The following FGF13 variants were observed in gnomAD, a reference collection of about 807,000 sequenced individuals.
FGF13 encodes fibroblast growth factor homologous factor 2.
FGF13 carries 2 observed loss-of-function variants against 19.5 expected under a neutral mutation model. That is an observed-to-expected ratio of 0.10 (90% CI 0.04 to 0.32). The LOEUF is 0.32. FGF13 is among the 10% of genes least tolerant of loss of function. The pLI, the probability that FGF13 is intolerant of heterozygous loss-of-function variation, is 1.00. For missense variants in FGF13, 113 were observed against 192.7 expected (o/e 0.59, Z 2.45); for synonymous variants, 72 against 76.9 (o/e 0.94, Z 0.33).
intron 1 of FGF13, among the ~76,000 whole-genome samples, chrX:139,158,647 T>C (rs749287364): frequency 9.1e-6 from 1 of 110,146 alleles, no homozygotes; most frequent in East Asian, 2.9e-4. Flanking sequence ...CTGATGGAGG[T>C]GAAAAACACA....
chrX:138,747,034 C>A (rs749086565), intron 3 of FGF13, among the ~76,000 whole-genome samples: 1 of 111,817 alleles, frequency 8.9e-6, no homozygotes, highest in East Asian at 2.8e-4. Flanking sequence ...GAGTTAGGAA[C>A]AAACCAGGTT....
chrX:138,728,760 G>A (rs912509282), intron 1 of FGF13, among the ~76,000 whole-genome samples: 2 of 110,666 alleles, frequency 1.8e-5, no homozygotes, highest in African/African-American at 6.6e-5. Context: ...ACCACCCATT[G>A]ACCCTCTACT....
At chrX:138,955,017 A>T (rs905519940) in intron 1 of FGF13, among the ~76,000 whole-genome samples, 1 of 112,502 alleles carries the variant, frequency 8.9e-6, no homozygotes, top group Admixed American at 9.4e-5. Flanking sequence ...CCCACACTTG[A>T]CTGCTGATCA....
intron 1 of FGF13, among the ~76,000 whole-genome samples, chrX:139,198,592 G>A (rs973048004): frequency 8.9e-6 from 1 of 112,170 alleles, no homozygotes; most frequent in Non-Finnish European, 1.9e-5. Flanking sequence ...CATGAGAACT[G>A]CTTTACAGTA....
rs921230269 is a variant in FGF13 at position 138,971,735 on chromosome X, A to C, written c.-112-107085T>G. ...GATTTCTTTGTGGTATGAACTCAAA[A>C]TCCGCTATTTTGAAGTATACAATAC... On this transcript the variant is annotated intron_variant, in intron 1 of 2. Transcript: ENST00000421460. Among the ~76,000 whole-genome samples, 3 of 111,550 alleles carry C rather than the reference A, an allele frequency of 2.7e-5. No individual in the cohort carries two copies. The Admixed American group carries it at 2.9e-4, about 11-fold the overall frequency.
intron 3 of FGF13, among the ~76,000 whole-genome samples, chrX:138,654,736 G>A (rs1029027838): frequency 8.1e-5 from 8 of 98,579 alleles, no homozygotes; most frequent in African/African-American, 2.0e-4. Context: ...GTGAAACTCC[G>A]GCTCAAAAAT....
At chrX:139,097,773 T>A (rs911766111) in intron 1 of FGF13, among the ~76,000 whole-genome samples, 1 of 111,011 alleles carries the variant, frequency 9.0e-6, no homozygotes, top group African/African-American at 3.3e-5. Flanking sequence ...AACAATGGAG[T>A]AAATGGCATA....
intron 1 of FGF13, among the ~76,000 whole-genome samples, chrX:138,880,274 C>T (rs2091415661): frequency 9.0e-6 from 1 of 111,635 alleles, no homozygotes; most frequent in African/African-American, 3.3e-5. Flanking sequence ...ACAGTGTGGC[C>T]ATTCCTCAAG....
At chrX:139,036,619 C>T (rs1329622372) in intron 1 of FGF13, among the ~76,000 whole-genome samples, 1 of 111,353 alleles carries the variant, frequency 9.0e-6, no homozygotes, top group Admixed American at 9.6e-5. Context: ...CACTGCCTTG[C>T]ATCAAGCATA....
chrX:138,758,876 C>T (rs1259821599), intron 3 of FGF13, among the ~76,000 whole-genome samples: 1 of 111,779 alleles, frequency 8.9e-6, no homozygotes, highest in Non-Finnish European at 1.9e-5. Context: ...ATAATGAAAG[C>T]GACTCATGTG....
intron 2 of FGF13, among the ~76,000 whole-genome samples, chrX:138,862,223 C>T (rs1381817302): frequency 8.9e-6 from 1 of 111,869 alleles, no homozygotes; most frequent in African/African-American, 3.2e-5. Context: ...CACTGTAATT[C>T]GCAAGGTTTG....
intron 1 of FGF13, among the ~76,000 whole-genome samples, chrX:139,124,044 C>T (rs1486097142): frequency 8.9e-6 from 1 of 112,275 alleles, no homozygotes; most frequent in Non-Finnish European, 1.9e-5. Flanking sequence ...TCCCAGGGAA[C>T]GGGGAACCCC....
chrX:138,952,707 C>T (rs2091819792), intron 1 of FGF13, among the ~76,000 whole-genome samples: 1 of 111,780 alleles, frequency 8.9e-6, no homozygotes, highest in Non-Finnish European at 1.9e-5. Flanking sequence ...CCAGAATCTA[C>T]ATTGAACATA....
At chrX:138,827,592 T>C (rs867628004) in intron 3 of FGF13, among the ~76,000 whole-genome samples, 1 of 111,244 alleles carries the variant, frequency 9.0e-6, no homozygotes, top group African/African-American at 3.3e-5. Flanking sequence ...TATTAAGTGT[T>C]AGGAACAGAA....
chrX:138,905,147 G>C (rs2091551010), intron 1 of FGF13, among the ~76,000 whole-genome samples: 1 of 111,059 alleles, frequency 9.0e-6, no homozygotes, highest in South Asian at 3.8e-4. Flanking sequence ...TGGGATTCTT[G>C]GGACAGGGAC....
At chrX:139,033,745 C>T (rs1475833286) in intron 1 of FGF13, among the ~76,000 whole-genome samples, 1 of 111,662 alleles carries the variant, frequency 9.0e-6, no homozygotes. Context: ...GACTGCAGCA[C>T]AGGGCAGAGC....
At chrX:138,981,596 A>G (rs1244748849) in intron 1 of FGF13, among the ~76,000 whole-genome samples, 1 of 111,024 alleles carries the variant, frequency 9.0e-6, no homozygotes, top group African/African-American at 3.3e-5. Flanking sequence ...ATGCTCAATC[A>G]GCCTGCTCCA....
At chrX:138,790,508 C>T (rs1265904346) in intron 3 of FGF13, among the ~76,000 whole-genome samples, 2 of 111,040 alleles carry the variant, frequency 1.8e-5, no homozygotes, top group Admixed American at 1.9e-4. Flanking sequence ...AATAGCCTAT[C>T]CATCACCTGG....
intron 1 of FGF13, among the ~76,000 whole-genome samples, chrX:139,043,540 G>A (rs1331119115): frequency 1.8e-5 from 2 of 110,963 alleles, no homozygotes; most frequent in East Asian, 5.6e-4. Context: ...AGCCACAAGT[G>A]TGGAAAACAG....
Sources: gnomAD v4.1 joint callset for allele counts (sites outside exome capture counted in the v4.1 genomes callset) on GRCh38, gnomAD v4.1.1 for gene constraint, MANE v1.5 for transcripts, NCBI Gene and HGNC (gene_info 2026-07-23, HGNC 2026-07-21) for gene names.